CTNNA2: variants seen among roughly 807,000 people sequenced by gnomAD.
CTNNA2 encodes the protein catenin alpha-2.
Under a neutral mutation model 101.0 loss-of-function variants are expected in CTNNA2, and 42 were observed. The ratio of observed to expected loss-of-function variants is 0.42; its 90% CI spans 0.32 to 0.54. The LOEUF (loss-of-function observed/expected upper bound fraction) is 0.54, where lower values mean the gene tolerates loss of function less well. CTNNA2 is among the 20% of genes least tolerant of loss of function. The probability of loss-of-function intolerance (pLI) is 0.14; values close to 1 mark genes in which losing one functional copy is unlikely to be tolerated. For synonymous variants in CTNNA2, 450 were observed against 456.4 expected (o/e 0.99, Z 0.18); for missense variants, 871 against 1,223.1 (o/e 0.71, Z 4.29).
chr2:80,075,668 GTATAAATATTATAAAAATAATATTTATA>G (rs1698673706), intron 7 of CTNNA2, among the ~76,000 whole-genome samples: 2 of 79,754 alleles, frequency 2.5e-5, no homozygotes, highest in East Asian at 7.8e-4. Context: ...ATTTATACAT[GTATAAATATTATAAAAATAATATTTATA>G]CTTGTATAAA....
chr2:80,583,403 AG>A (rs1695706859), intron 14 of CTNNA2, among the ~76,000 whole-genome samples: 1 of 152,192 alleles, frequency 6.6e-6, no homozygotes, highest in African/African-American at 2.4e-5. Flanking sequence ...AAAATTGGAA[AG>A]GTCAGTAACT....
At chr2:79,404,753 C>T (rs1678324380) in intron 4 of CTNNA2, among the ~76,000 whole-genome samples, 1 of 151,914 alleles carries the variant, frequency 6.6e-6, no homozygotes, top group African/African-American at 2.4e-5. Flanking sequence ...GAAATATGGT[C>T]CTTGGGCTCA....
At chr2:80,374,685 G>GTGTT (rs1180599299) in intron 7 of CTNNA2, among the ~76,000 whole-genome samples, 1 of 102,806 alleles carries the variant, frequency 9.7e-6, no homozygotes, top group Non-Finnish European at 2.0e-5. Flanking sequence ...GTGCGTGCGT[G>GTGTT]TGTGTGTGTG....
At chr2:79,972,145 G>C (rs1007973648) in intron 7 of CTNNA2, among the ~76,000 whole-genome samples, 3 of 152,150 alleles carry the variant, frequency 2.0e-5, no homozygotes, top group Non-Finnish European at 4.4e-5. Flanking sequence ...ACAGTTCATC[G>C]TCATGGTTCA....
At chr2:80,483,515 T>C (rs1238839677) in intron 9 of CTNNA2, among the ~76,000 whole-genome samples, 1 of 152,094 alleles carries the variant, frequency 6.6e-6, no homozygotes, top group African/African-American at 2.4e-5. Context: ...AATCCTACTA[T>C]GTACCAGGCA....
chr2:79,569,109 T>G (rs1157539356), intron 1 of CTNNA2, among the ~76,000 whole-genome samples: 1 of 152,194 alleles, frequency 6.6e-6, no homozygotes, highest in Non-Finnish European at 1.5e-5. Flanking sequence ...CATTGATTTA[T>G]TTTTTCAAAT....
chr2:79,458,172 A>G (rs1670844918), intron 4 of CTNNA2, among the ~76,000 whole-genome samples: 1 of 152,218 alleles, frequency 6.6e-6, no homozygotes, highest in Admixed American at 6.5e-5. Context: ...TTGCCCTGTA[A>G]TAGAAACTTC....
intron 14 of CTNNA2, among the ~76,000 whole-genome samples, chr2:80,584,938 C>T (rs1254856695): frequency 6.6e-6 from 1 of 152,094 alleles, no homozygotes; most frequent in Non-Finnish European, 1.5e-5. Context: ...ACAACTACCT[C>T]AATTTTCCAA....
chr2:79,788,767 C>G (rs1287572079), intron 3 of CTNNA2, among the ~76,000 whole-genome samples: 4 of 152,180 alleles, frequency 2.6e-5, no homozygotes, highest in African/African-American at 9.6e-5. Flanking sequence ...TATCAGTGCT[C>G]TTTTGAATAC....
chr2:79,437,126 T>C (rs888634927), intron 4 of CTNNA2, among the ~76,000 whole-genome samples: 6 of 151,344 alleles, frequency 4.0e-5, no homozygotes, highest in Non-Finnish European at 8.8e-5. Context: ...CCCAGTTACT[T>C]GGGAGGCTGA....
exon 4 of CTNNA2, chr2:79,374,007 C>A (rs900642123): frequency 6.6e-6 from 1 of 152,156 alleles, no homozygotes; most frequent in African/African-American, 2.4e-5. Context: ...TCTGGCTGAA[C>A]CTAAAGGCAA....
chr2:79,595,679 C>G (rs141319767), intron 1 of CTNNA2, among the ~76,000 whole-genome samples: 1 of 151,734 alleles, frequency 6.6e-6, no homozygotes, highest in Non-Finnish European at 1.5e-5. Context: ...ACTCTCGCTA[C>G]GCTACCTTAA....
At chr2:80,141,951 T>G (rs1021116654) in intron 7 of CTNNA2, among the ~76,000 whole-genome samples, 1 of 151,408 alleles carries the variant, frequency 6.6e-6, no homozygotes, top group Non-Finnish European at 1.5e-5. Flanking sequence ...CCCCACCAAA[T>G]GGATCCGCTG....
rs558254116 is a variant in CTNNA2, at chr2:79,615,071, A to C, written c.-5-36481A>C. On this transcript the variant is annotated intron_variant, in intron 1 of 18. Transcript: ENST00000402739. ...AATATTTTTCATTATATTTGTTGAT[A>C]CTAACATGTTGTGTAAAATCAGCAG... is the stretch of plus-strand genomic sequence containing the variant. 3.7e-4 allele frequency among the ~76,000 whole-genome samples: 56 copies of C among 152,266 alleles called. 1 individual carries two copies. The South Asian group carries it at 0.011, about 31-fold the overall frequency.
chr2:79,348,067 A>G (rs726235), intron 3 of CTNNA2, among the ~76,000 whole-genome samples: 47,680 of 151,824 alleles, frequency 0.31, 7,727 homozygotes, highest in Admixed American at 0.42. Flanking sequence ...AATATGGCCA[A>G]GATCCTTTAA....
chr2:79,766,747 G>C (rs1177385483), intron 3 of CTNNA2, among the ~76,000 whole-genome samples: 2 of 149,214 alleles, frequency 1.3e-5, no homozygotes, highest in African/African-American at 5.0e-5. Flanking sequence ...TTCTCTGACT[G>C]TGTATTTTCT....
chr2:79,947,140 T>G (rs1345410829), intron 7 of CTNNA2, among the ~76,000 whole-genome samples: 1 of 152,216 alleles, frequency 6.6e-6, no homozygotes, highest in Non-Finnish European at 1.5e-5. Context: ...CTTTCAAAAT[T>G]CTGGGATCAT....
chr2:80,219,972 GAAAC>G (rs1329821669), intron 7 of CTNNA2, among the ~76,000 whole-genome samples: 25 of 151,814 alleles, frequency 1.6e-4, no homozygotes, highest in African/African-American at 2.9e-4. Context: ...ACATTAAATT[GAAAC>G]AAACAAACAA....
intron 1 of CTNNA2, among the ~76,000 whole-genome samples, chr2:79,532,783 G>T (rs575853336): frequency 1.4e-5 from 2 of 145,198 alleles, no homozygotes; most frequent in South Asian, 4.7e-4. Context: ...TAATCTGGAT[G>T]CACCTGCACC....
Sources: allele counts gnomAD v4.1 joint callset (sites outside exome capture counted in the v4.1 genomes callset), GRCh38; gene constraint gnomAD v4.1.1; transcripts MANE v1.5; gene names NCBI Gene and HGNC (gene_info 2026-07-23, HGNC 2026-07-21).